The following TNNI3K variants were observed in gnomAD, a reference collection of about 807,000 sequenced individuals.
The protein encoded by TNNI3K is serine/threonine-protein kinase TNNI3K.
A neutral mutation model predicts 114.5 loss-of-function variants in TNNI3K; 140 were observed. The ratio of observed to expected loss-of-function variants is 1.22; its 90% CI spans 1.07 to 1.41. TNNI3K has a LOEUF of 1.41. Among genes scored for constraint, TNNI3K ranks in the 40% most tolerant of loss-of-function variants. The pLI is 0.00. For missense variants in TNNI3K, 1,125 were observed against 1,007.6 expected, an observed-to-expected ratio of 1.12 and a Z score of -1.58; for synonymous variants, 347 against 347.5, an observed-to-expected ratio of 1.00 and a Z score of 0.02.
intron 5 of TNNI3K, among the ~76,000 whole-genome samples, chr1:74,288,599 G>T (rs1657472202): frequency 6.6e-6 from 1 of 152,040 alleles, no homozygotes; most frequent in South Asian, 2.1e-4. Flanking sequence ...GTAGAATGGT[G>T]GTTGCCGGGG....
chr1:74,431,282 A>G (rs1006755490), intron 17 of TNNI3K, among the ~76,000 whole-genome samples: 2 of 152,076 alleles, frequency 1.3e-5, no homozygotes. Context: ...TCCTCTTTCT[A>G]TGTAGTACCT....
At chr1:74,497,343 C>T (rs1057384748) in intron 23 of TNNI3K, among the ~76,000 whole-genome samples, 6 of 152,044 alleles carry the variant, frequency 3.9e-5, no homozygotes, top group African/African-American at 1.4e-4. Flanking sequence ...TCATCTACCA[C>T]CTCTCTTGCA....
intron 17 of TNNI3K, among the ~76,000 whole-genome samples, chr1:74,428,670 C>T (rs9659703): frequency 0.077 from 11,772 of 152,142 alleles, 588 homozygotes; most frequent in African/African-American, 0.13. Context: ...AGCAGGGGCT[C>T]ATGCCTGTAA....
intron 17 of TNNI3K, among the ~76,000 whole-genome samples, chr1:74,382,252 G>A (rs1663241681): frequency 6.6e-6 from 1 of 152,104 alleles, no homozygotes; most frequent in African/African-American, 2.4e-5. Flanking sequence ...GTCACTTGAC[G>A]TTTTTCTGCT....
intron 20 of TNNI3K, among the ~76,000 whole-genome samples, chr1:74,460,047 A>G (rs1667383727): frequency 6.6e-6 from 1 of 152,172 alleles, no homozygotes; most frequent in Non-Finnish European, 1.5e-5. Context: ...AGTGCTCTGT[A>G]ACTTTATGCT....
chr1:74,377,217 A>G (rs1413751246), intron 17 of TNNI3K: 1 of 152,030 alleles, frequency 6.6e-6, no homozygotes, highest in Admixed American at 6.6e-5. Flanking sequence ...TCAAGTCACA[A>G]CGTAACTCCA....
chr1:74,495,923 A>G (rs1452011271), intron 23 of TNNI3K, among the ~76,000 whole-genome samples: 4 of 152,170 alleles, frequency 2.6e-5, no homozygotes, highest in Non-Finnish European at 5.9e-5. Context: ...ACAGCGATCA[A>G]TAGGTGTTTA....
chr1:74,531,358 G>A (rs1437215168), intron 23 of TNNI3K, among the ~76,000 whole-genome samples: 1 of 152,170 alleles, frequency 6.6e-6, no homozygotes, highest in East Asian at 1.9e-4. Flanking sequence ...TGATAAATTA[G>A]CAAATGGCCA....
In TNNI3K at chr1:74,474,929, C is replaced by T. The variant is rs963516911; in HGVS notation, c.2121+11379C>T. ...TTACTGCAGAATTGGCATTAGAGCT[C>T]GAAGGATGTTGGAATAAAAGCTGAT... On this transcript the variant is annotated intron_variant, in intron 21 of 24. Coordinates refer to ENST00000326637, the MANE Select transcript of TNNI3K (RefSeq NM_015978.3). 1.5e-4 allele frequency among the ~76,000 whole-genome samples: 23 copies of T among 151,882 alleles called. 1 individual carries two copies. The highest frequency in any genetic ancestry group is 5.6e-4 in the African/African-American group (23 of 41,338).
intron 6 of TNNI3K, among the ~76,000 whole-genome samples, chr1:74,335,703 G>A (rs1015512145): frequency 8.5e-5 from 13 of 152,124 alleles, no homozygotes; most frequent in African/African-American, 3.1e-4. Flanking sequence ...GTTCCAAAAG[G>A]TAGAGGTCAT....
intron 9 of TNNI3K, among the ~76,000 whole-genome samples, chr1:74,344,054 CATA>C (rs1385393374): frequency 6.6e-6 from 1 of 152,136 alleles, no homozygotes; most frequent in Non-Finnish European, 1.5e-5. Flanking sequence ...TTGTTGTTCA[CATA>C]ATGTTTTTGT....
chr1:74,538,217 GT>G (rs557612307), intron 23 of TNNI3K, among the ~76,000 whole-genome samples: 4 of 152,116 alleles, frequency 2.6e-5, no homozygotes, highest in Non-Finnish European at 5.9e-5. Flanking sequence ...TAAAAAAATA[GT>G]TGAGGAATTG....
chr1:74,394,500 A>G (rs2100576058), intron 17 of TNNI3K, among the ~76,000 whole-genome samples: 1 of 152,346 alleles, frequency 6.6e-6, no homozygotes, highest in African/African-American at 2.4e-5. Context: ...AACAGGATAT[A>G]CTAGGCCCCT....
intron 17 of TNNI3K, among the ~76,000 whole-genome samples, chr1:74,402,746 T>C (rs952572120): frequency 4.6e-5 from 7 of 152,216 alleles, no homozygotes. Flanking sequence ...AGCTGGAGGC[T>C]TCCCTTATCT....
chr1:74,322,755 T>A (rs1057173838), intron 5 of TNNI3K, among the ~76,000 whole-genome samples: 1 of 152,078 alleles, frequency 6.6e-6, no homozygotes. Context: ...TGCTGGGCGA[T>A]TCTACCATCT....
At chr1:74,524,736 C>G (rs568028144) in intron 23 of TNNI3K, among the ~76,000 whole-genome samples, 1 of 149,582 alleles carries the variant, frequency 6.7e-6, no homozygotes, top group South Asian at 2.1e-4. Context: ...AGAAGAGTGA[C>G]AGGCAACTTT....
intron 11 of TNNI3K, among the ~76,000 whole-genome samples, 173 bp from the exon 12 acceptor site, chr1:74,367,083 T>C (rs1662312279): frequency 6.6e-6 from 1 of 152,006 alleles, no homozygotes; most frequent in Non-Finnish European, 1.5e-5. Flanking sequence ...ATGGTAGTCT[T>C]AAGAAATCAT....
At chr1:74,344,129 A>T (rs939882269) in intron 9 of TNNI3K, among the ~76,000 whole-genome samples, 1 of 152,220 alleles carries the variant, frequency 6.6e-6, no homozygotes, top group African/African-American at 2.4e-5. Flanking sequence ...ACTAAAATTA[A>T]GCTTGTGCTT....
intron 23 of TNNI3K, among the ~76,000 whole-genome samples, chr1:74,494,478 C>G (rs1669230957): frequency 6.6e-6 from 1 of 152,084 alleles, no homozygotes; most frequent in African/African-American, 2.4e-5. Flanking sequence ...GGATTTTAGT[C>G]TCTTGTATAA....
Sources: gnomAD v4.1 joint callset for allele counts (sites outside exome capture counted in the v4.1 genomes callset) on GRCh38, gnomAD v4.1.1 for gene constraint, MANE v1.5 for transcripts, NCBI Gene and HGNC (gene_info 2026-07-23, HGNC 2026-07-21) for gene names.